The following CMSS1 variants were observed in gnomAD, a reference collection of about 807,000 sequenced individuals.
CMSS1 encodes the protein cms1 ribosomal small subunit homolog.
CMSS1 carries 33 observed loss-of-function variants against 43.5 expected under a neutral mutation model. The ratio of observed to expected loss-of-function variants is 0.76; its 90% CI spans 0.57 to 1.01. CMSS1 has a LOEUF of 1.01. Ranked by LOEUF, CMSS1 falls within the 50% of genes least tolerant of loss-of-function variation. The pLI is 0.00. For missense variants in CMSS1, 313 were observed against 326.4 expected (o/e 0.96, Z 0.32); for synonymous variants, 115 against 117.2 (o/e 0.98, Z 0.12).
rs755556504 is a variant in CMSS1, at chr3:100,162,381, T to C, written c.304T>C (p.Tyr102His). Reference protein sequence around the residue: ...PEDLQKLMKDYYSSRRLVIEL... With the variant: ...PEDLQKLMKDHYSSRRLVIEL... ...AGACCTACAGAAGCTGATGAAGGAC[T>C]ATTATAGCAGCAGACGCTTGGTGAT... Residue 102 changes from tyrosine to histidine, a missense_variant, in exon 4 of 10, where the codon TAT (tyrosine) becomes CAT (histidine). Coordinates refer to ENST00000421999, the MANE Select transcript of CMSS1 (RefSeq NM_032359.4). The C allele has an allele frequency of 1.2e-6, 2 of 1,613,626 alleles. No homozygotes were observed.
In CMSS1 at chr3:99,935,624, C is replaced by G. The variant is rs1055302524; in HGVS notation, c.64+117581C>G. ...CTTTGACCTCTACCCTGTTCCTCAC[C>G]CCCTGATGGATCCCGTGATAGCAGG... On this transcript the variant is annotated intron_variant, in intron 1 of 9. Coordinates refer to ENST00000421999, the MANE Select transcript of CMSS1 (RefSeq NM_032359.4). Among the ~76,000 whole-genome samples the G allele has an allele frequency of 2.6e-5, 4 of 152,320 alleles. No individual in the cohort carries two copies. In the East Asian group the frequency reaches 7.7e-4, roughly 29 times the overall value.
At chr3:100,147,938 A>G (rs930479282) in intron 2 of CMSS1, among the ~76,000 whole-genome samples, 3 of 152,212 alleles carry the variant, frequency 2.0e-5, no homozygotes, top group Non-Finnish European at 2.9e-5. Context: ...ACTCACATCC[A>G]TTTGTAGCTT....
chr3:100,091,001 T>C (rs2066094793), intron 1 of CMSS1, among the ~76,000 whole-genome samples: 1 of 152,162 alleles, frequency 6.6e-6, no homozygotes, highest in Non-Finnish European at 1.5e-5. Flanking sequence ...AACCCTACCT[T>C]AGGCCCGGGC....
At chr3:99,851,064 C>G in intron 1 of CMSS1, 1 of 1,577,098 alleles carries the variant, frequency 6.3e-7, no homozygotes, top group Non-Finnish European at 8.6e-7. Flanking sequence ...CAATTAGCTT[C>G]TTTAATCTGA....
At chr3:100,166,274 CTGTTT>C in intron 4 of CMSS1, 56 bp from the exon 5 acceptor site, 1 of 1,082,546 alleles carries the variant, frequency 9.2e-7, no homozygotes, top group South Asian at 1.3e-5. Flanking sequence ...CACATATAAT[CTGTTT>C]TGATTGTGTG....
At chr3:99,991,366 A>G (rs1709505190) in intron 1 of CMSS1, among the ~76,000 whole-genome samples, 1 of 152,190 alleles carries the variant, frequency 6.6e-6, no homozygotes, top group African/African-American at 2.4e-5. Context: ...AGGAGTAATA[A>G]TAGTAATTGT....
At chr3:99,932,895 A>G (rs746843466) in intron 1 of CMSS1, among the ~76,000 whole-genome samples, 18 of 152,118 alleles carry the variant, frequency 1.2e-4, no homozygotes, top group Admixed American at 2.0e-4. Context: ...GTCTCAAAAC[A>G]AAAAGGACAT....
chr3:99,828,970 T>C (rs768871793), intron 1 of CMSS1, among the ~76,000 whole-genome samples: 4 of 150,432 alleles, frequency 2.7e-5, no homozygotes, highest in African/African-American at 5.0e-5. Flanking sequence ...CATCATCCCT[T>C]TCAATGCTGC....
At chr3:100,166,298 C>T (rs2067065089) in intron 4 of CMSS1, 37 bp from the exon 5 acceptor site, 5 of 1,410,482 alleles carry the variant, frequency 3.5e-6, no homozygotes, top group Non-Finnish European at 4.0e-6. Context: ...TGTGTGTTTA[C>T]AAAATTATCT....
At chr3:99,870,167 T>C (rs1023092562) in intron 1 of CMSS1, among the ~76,000 whole-genome samples, 1 of 152,200 alleles carries the variant, frequency 6.6e-6, no homozygotes, top group African/African-American at 2.4e-5. Context: ...TTGGGGTGGA[T>C]GACATTGTTC....
chr3:100,079,273 GGTCGAA>G (rs1324558938), intron 1 of CMSS1, among the ~76,000 whole-genome samples: 1 of 152,166 alleles, frequency 6.6e-6, no homozygotes, highest in Non-Finnish European at 1.5e-5. Context: ...GCTTTCTGTT[GGTCGAA>G]GTATTCAAAA....
intron 1 of CMSS1, among the ~76,000 whole-genome samples, chr3:99,892,009 G>A (rs1197061903): frequency 6.6e-6 from 1 of 152,076 alleles, no homozygotes; most frequent in Admixed American, 6.5e-5. Context: ...TTTTTTCACA[G>A]TTGTTACTTC....
intron 1 of CMSS1, among the ~76,000 whole-genome samples, chr3:99,882,835 A>G (rs1235161515): frequency 6.6e-6 from 1 of 152,230 alleles, no homozygotes; most frequent in African/African-American, 2.4e-5. Context: ...TACTTTATGG[A>G]TTAGAAATGT....
At chr3:99,887,799 A>G (rs1705956765) in intron 1 of CMSS1, among the ~76,000 whole-genome samples, 1 of 152,214 alleles carries the variant, frequency 6.6e-6, no homozygotes, top group Admixed American at 6.5e-5. Flanking sequence ...CAGTGGCACA[A>G]TCACGGGTCA....
chr3:100,055,162 G>A (rs949429846), intron 1 of CMSS1, among the ~76,000 whole-genome samples: 1 of 152,084 alleles, frequency 6.6e-6, no homozygotes, highest in African/African-American at 2.4e-5. Context: ...CCCAATTCAG[G>A]TCTCCCAGTT....
intron 1 of CMSS1, among the ~76,000 whole-genome samples, chr3:99,996,389 C>T (rs1709681323): frequency 6.6e-6 from 1 of 152,200 alleles, no homozygotes; most frequent in Admixed American, 6.5e-5. Context: ...CAAAGCCATT[C>T]AGCAAGTCTC....
intron 1 of CMSS1, among the ~76,000 whole-genome samples, chr3:99,840,711 T>C (rs1010636285): frequency 1.3e-5 from 2 of 152,196 alleles, no homozygotes; most frequent in African/African-American, 4.8e-5. Context: ...AATTCAGAAG[T>C]CATTGGAAGT....
At chr3:99,949,513 T>G (rs954280599) in intron 1 of CMSS1, among the ~76,000 whole-genome samples, 10 of 152,200 alleles carry the variant, frequency 6.6e-5, no homozygotes, top group Non-Finnish European at 1.5e-4. Flanking sequence ...GCAATTTTAC[T>G]CGCAGTACGT....
chr3:99,833,217 G>A, intron 1 of CMSS1: 1 of 1,608,870 alleles, frequency 6.2e-7, no homozygotes, highest in Non-Finnish European at 8.5e-7. Context: ...TGCCTTAAAA[G>A]TCTGAAGGAT....
Sources: allele counts gnomAD v4.1 joint callset (sites outside exome capture counted in the v4.1 genomes callset), GRCh38; gene constraint gnomAD v4.1.1; transcripts MANE v1.5; gene names NCBI Gene and HGNC (gene_info 2026-07-23, HGNC 2026-07-21).